The following MLLT6 variants were observed in gnomAD, a reference collection of about 807,000 sequenced individuals.
The protein encoded by MLLT6 is protein AF-17.
MLLT6 carries 22 observed loss-of-function variants against 103.0 expected under a neutral mutation model. That is an observed-to-expected ratio of 0.21 (90% CI 0.15 to 0.31). The LOEUF (loss-of-function observed/expected upper bound fraction) is 0.31. MLLT6 is among the 10% of genes least tolerant of loss of function. The pLI, the probability that MLLT6 is intolerant of heterozygous loss-of-function variation, is 1.00. For synonymous variants in MLLT6, 606 were observed against 623.5 expected (o/e 0.97, Z 0.42); for missense variants, 1,199 against 1,441.7 (o/e 0.83, Z 2.73).
chr17:38,723,224 C>T (rs1054873722), intron 18 of MLLT6, among the ~76,000 whole-genome samples: 5 of 152,070 alleles, frequency 3.3e-5, no homozygotes, highest in Non-Finnish European at 5.9e-5. Flanking sequence ...GGGAAGCAGC[C>T]GGGTGTGGTG....
chr17:38,714,976 A>G (rs1905275952), intron 8 of MLLT6, among the ~76,000 whole-genome samples: 1 of 152,184 alleles, frequency 6.6e-6, no homozygotes, highest in South Asian at 2.1e-4. Flanking sequence ...GTCTTGTTCC[A>G]CCTGAGGTAT....
chr17:38,720,458 G>A lies in MLLT6; in HGVS notation c.2242G>A (p.Glu748Lys). 6.2e-7 allele frequency: 1 copy of A among 1,613,010 alleles called. No individual in the cohort carries two copies. The change falls in exon 15 of 20, where the codon GAG becomes AAG. Residue 748 changes from glutamate to lysine, a missense_variant. Transcript: ENST00000621332. ...GATCCTGAGCCTGACGGCCAAAAAG[G>A]AGCGGCTGCAGATTCTCAACGTGCA... is the stretch of plus-strand genomic sequence containing the variant. The part of the protein sequence containing the change: ...EQILSLTAKK[E>K]RLQILNVQLS...
intron 19 of MLLT6, 116 bp from the exon 20 acceptor site, chr17:38,725,440 TC>T (rs1567932157): frequency 1.4e-5 from 13 of 921,554 alleles, no homozygotes; most frequent in Non-Finnish European, 2.2e-5. Flanking sequence ...GCCAGAGGCT[TC>T]CATTGGCCCC....
intron 16 of MLLT6, chr17:38,721,089 A>G (rs923403382): frequency 1.2e-5 from 5 of 409,268 alleles, no homozygotes; most frequent in Non-Finnish European, 2.2e-5. Context: ...GTGGATAGAA[A>G]GTGGTTAGGG....
chr17:38,705,662 A>C lies in MLLT6; in HGVS notation c.30A>C (p.Val10=), dbSNP rs369231140. Reference sequence around the variant, plus strand: ...AGGAGATGGTAGGAGGCTGCTGCGTATGTTCGGACGAGAGGGGCTGGGCCG... The same window carrying C: ...AGGAGATGGTAGGAGGCTGCTGCGTCTGTTCGGACGAGAGGGGCTGGGCCG... MKEMVGGCC[V]CSDERGWAEN... is the part of the protein sequence containing the mutation. The change falls in exon 1 of 20, where the codon GTA becomes GTC. Residue 10 remains valine, a synonymous_variant. Transcript: ENST00000621332. 42 of 1,548,526 alleles carry C rather than the reference A, an allele frequency of 2.7e-5. No individual in the cohort carries two copies. The highest frequency in any genetic ancestry group is 3.1e-5 in the Non-Finnish European group (35 of 1,144,218).
At position 38,725,560 on chromosome 17, in the gene MLLT6, G is replaced by A. The variant is rs1309284432; in HGVS notation, c.3244G>A (p.Ala1082Thr). 8 of 1,603,166 alleles carry A rather than the reference G, an allele frequency of 5.0e-6. No individual in the cohort carries two copies. In the African/African-American group the frequency reaches 5.4e-5, roughly 11 times the overall value. Reference sequence around the variant, plus strand: ...GCCTCCCTCCCTCTCTTTCCAGACCGCTGACAAAGGAGCCTCAGCCAACCA... The same window carrying A: ...GCCTCCCTCCCTCTCTTTCCAGACCACTGACAAAGGAGCCTCAGCCAACCA... The part of the protein sequence containing the change: ...GSGGGPKGGT[A>T]DKGASANQEK... The change falls in exon 20 of 20, where the codon GCT becomes ACT. Residue 1082 changes from alanine (A) to threonine (T), a missense_variant. Ala to Thr is a moderately conservative substitution (Grantham distance 58). Coordinates refer to ENST00000621332, the MANE Select transcript of MLLT6 (RefSeq NM_005937.4).
chr17:38,719,887 G>A lies in MLLT6; in HGVS notation c.2147G>A (p.Gly716Asp), dbSNP rs760967480. Reference protein sequence around the residue: ...LLEKQGDGEAGVNIVEMLKAL... With the variant: ...LLEKQGDGEADVNIVEMLKAL... ...GAGAAGCAGGGCGACGGGGAGGCCGGCGTCAACAGTGAGGAGGGGTGGCGC... is the reference window on the plus strand; with the variant it reads ...GAGAAGCAGGGCGACGGGGAGGCCGACGTCAACAGTGAGGAGGGGTGGCGC... The change falls in exon 14 of 20, where the codon GGC (glycine) becomes GAC (aspartate). Residue 716 changes from glycine (G) to aspartate (D), a missense_variant. Around this residue, in one of 7 missense-constraint regions of MLLT6, gnomAD observed 1,034 missense variants for 1,091.5 expected, o/e 0.95. Transcript: ENST00000621332. The A allele has an allele frequency of 5.7e-6, 9 of 1,581,870 alleles. No individual in the cohort carries two copies. The highest frequency in any genetic ancestry group is 1.3e-5 in the African/African-American group (1 of 74,346).
At position 38,717,541 on chromosome 17, in the gene MLLT6, C is replaced by T; in HGVS notation, c.1761C>T (p.Ala587=). ...SSLLGPPGTS[A]LPRLSRSPFT... is the part of the protein sequence containing the mutation. Reference sequence around the variant, plus strand: ...TCCTGGGGCCCCCAGGGACCTCGGCCCTGCCCCGCCTCAGCCGCTCCCCGT... The same window carrying T: ...TCCTGGGGCCCCCAGGGACCTCGGCTCTGCCCCGCCTCAGCCGCTCCCCGT... The change falls in exon 11 of 20, where the codon GCC becomes GCT. Residue 587 remains alanine (A), a synonymous_variant. Coordinates refer to ENST00000621332, the MANE Select transcript of MLLT6 (RefSeq NM_005937.4). 1 of 1,613,522 alleles carries T rather than the reference C, an allele frequency of 6.2e-7. No homozygotes were observed. Among genetic ancestry groups the T allele is most frequent in the South Asian group, 1.1e-5 (1 of 91,046 alleles).
rs1415149154 is a variant in MLLT6 at position 38,721,752 on chromosome 17, T to G, written c.2443-126T>G. 5 of 593,450 alleles carry G rather than the reference T, an allele frequency of 8.4e-6. No homozygotes were observed. In the African/African-American group the frequency reaches 9.9e-5, roughly 12 times the overall value. The allele number at this position is 593,450 out of a possible 1,614,324, so 36.8% of individuals were successfully genotyped here. A position where few individuals can be genotyped will look rare whatever the true frequency, so the allele number is the denominator to read the frequency against. On this transcript the variant is annotated intron_variant, in intron 16 of 19. Transcript: ENST00000621332. ...TTAGCCCTCATCCCCGGACCTTGCT[T>G]CTTCCAGGGTGCCTGGGGGTGAAGT...
At chr17:38,712,558 C>G (rs989345036) in intron 7 of MLLT6, 133 bp from the exon 8 acceptor site, 2 of 649,712 alleles carry the variant, frequency 3.1e-6, no homozygotes, top group Middle Eastern at 2.5e-4. Flanking sequence ...CATTATCCAG[C>G]CCTCCTCAGG....
rs1905291264 is a variant in MLLT6, at chr17:38,715,410, T to TA, written c.820-201dup. The TA allele has an allele frequency of 5.1e-6, 4 of 779,196 alleles. No homozygotes were observed. The African/African-American group carries it at 5.2e-5, about 10-fold the overall frequency. 48.3% of individuals were successfully genotyped at this position (779,196 alleles called of 1,614,324 possible). A position where few individuals can be genotyped will look rare whatever the true frequency, so the allele number is the denominator to read the frequency against. The stretch of plus-strand genomic sequence containing the variant: ...GGGTTCAGTGAATTCCCCTCTGCCT[T>TA]ACACCCAGGAGTGCCACAGCTGCCT... On this transcript the variant is annotated intron_variant, in intron 8 of 19. Coordinates refer to ENST00000621332, the MANE Select transcript of MLLT6 (RefSeq NM_005937.4).
chr17:38,715,989 C>T lies in MLLT6; in HGVS notation c.1036+161C>T, dbSNP rs780251637. ...CCTCCTCTCCAAACCTGCCCCCAAA[C>T]CCTTCCTTCTTGAACCAGAACTCTC... is the stretch of plus-strand genomic sequence containing the variant. On this transcript the variant is annotated intron_variant, in intron 9 of 19. Transcript: ENST00000621332. 2.4e-5 allele frequency: 17 copies of T among 697,268 alleles called. No homozygotes were observed. The East Asian group carries it at 4.6e-4, about 19-fold the overall frequency. The allele number at this position is 697,268 out of a possible 1,614,324, so 43.2% of individuals were successfully genotyped here.
Position 38,705,704 on chromosome 17 carries a change from C to G in MLLT6, c.72C>G (p.Tyr24Ter). ...GCTGGGCCGAGAACCCGCTGGTCTA[C>G]TGCGATGGGCACGCGTGCAGCGTGG... is the stretch of plus-strand genomic sequence containing the variant. The part of the protein sequence containing the change: ...ERGWAENPLV[Y>*]CDGHACSVAV... Residue 24 changes from tyrosine to a stop codon, truncating the protein, a stop_gained, in exon 1 of 20, where the codon TAC (tyrosine) becomes TAG (stop). Coordinates refer to ENST00000621332, the MANE Select transcript of MLLT6 (RefSeq NM_005937.4). LOFTEE classifies it high-confidence loss of function. 1.3e-6 allele frequency: 2 copies of G among 1,560,064 alleles called. No individual in the cohort carries two copies. The highest frequency in any genetic ancestry group is 1.7e-6 in the Non-Finnish European group (2 of 1,151,298).
chr17:38,707,687 T>C, intron 3 of MLLT6, 76 bp from the exon 4 acceptor site: 1 of 1,220,796 alleles, frequency 8.2e-7, no homozygotes, highest in Non-Finnish European at 1.2e-6. Flanking sequence ...GAGGGAACAG[T>C]CTGCAGCGTG....
chr17:38,706,836 C>A, intron 1 of MLLT6, 114 bp from the exon 2 acceptor site: 2 of 774,368 alleles, frequency 2.6e-6, no homozygotes, highest in Non-Finnish European at 4.2e-6. Flanking sequence ...TGGGGAGCAG[C>A]CCCCACTGCT....
chr17:38,725,654 G>C lies in MLLT6; in HGVS notation c.*56G>C. Reference sequence around the variant, plus strand: ...GTGGAGGGAACAGATCCTGGCCTGAGGGGTCCTAGCCTGGAGCAGGCGCCT... The same window carrying C: ...GTGGAGGGAACAGATCCTGGCCTGACGGGTCCTAGCCTGGAGCAGGCGCCT... On this transcript the variant is annotated 3_prime_UTR_variant, in exon 20 of 20. Transcript: ENST00000621332. 6.9e-7 allele frequency: 1 copy of C among 1,458,582 alleles called. No individual in the cohort carries two copies. The highest frequency in any genetic ancestry group is 9.3e-7 in the Non-Finnish European group (1 of 1,071,720). 90.4% of individuals were successfully genotyped at this position (1,458,582 alleles called of 1,614,324 possible).
chr17:38,724,273 G>C lies in MLLT6; in HGVS notation c.2884-347G>C. ...TCCGTCTCACAAAAAGAAAAGAAAA[G>C]AAAAGAAAACTATTGACCTAGTTTA... On this transcript the variant is annotated intron_variant, in intron 18 of 19. Coordinates refer to ENST00000621332, the MANE Select transcript of MLLT6 (RefSeq NM_005937.4). The surrounding 1 kb of genome is among the most constrained non-coding windows in gnomAD (Gnocchi z 5.4). 1 of 268,596 alleles carries C rather than the reference G, an allele frequency of 3.7e-6. No homozygotes were observed. Among genetic ancestry groups the C allele is most frequent in the Admixed American group, 5.3e-5 (1 of 18,726 alleles). The allele number at this position is 268,596 out of a possible 1,614,324, so 16.6% of individuals were successfully genotyped here.
At chr17:38,711,444 A>T (rs1050847184) in intron 6 of MLLT6, among the ~76,000 whole-genome samples, 5 of 152,074 alleles carry the variant, frequency 3.3e-5, no homozygotes, top group Admixed American at 3.3e-4. Flanking sequence ...GCAGGGGAGC[A>T]CTGGCTCCCC....
chr17:38,725,631 GGAGGGAACA>G lies in MLLT6; in HGVS notation c.*36_*44del. The G allele has an allele frequency of 1.3e-6, 2 of 1,550,594 alleles. No individual in the cohort carries two copies. Among genetic ancestry groups the G allele is most frequent in the Non-Finnish European group, 1.7e-6 (2 of 1,144,628 alleles). On this transcript the variant is annotated 3_prime_UTR_variant, in exon 20 of 20. Transcript: ENST00000621332. The stretch of plus-strand genomic sequence containing the variant: ...CTTACCCCTCCTGACCCCCCCAAGT[GGAGGGAACA>G]GATCCTGGCCTGAGGGGTCCTAGCC...
Sources: gnomAD v4.1 joint callset for allele counts (sites outside exome capture counted in the v4.1 genomes callset) on GRCh38, gnomAD v4.1.1 for gene constraint, gnomAD v4.1.1 regional missense constraint, Gnocchi (gnomAD v3.1) non-coding constraint, MANE v1.5 for transcripts, NCBI Gene and HGNC (gene_info 2026-07-23, HGNC 2026-07-21) for gene names.